Variants in IL1RAPL1 observed in about 807,000 individuals in gnomAD.
The protein encoded by IL1RAPL1 is interleukin 1 receptor accessory protein like 1.
Under a neutral mutation model 48.4 loss-of-function variants are expected in IL1RAPL1, and 3 were observed. The ratio of observed to expected loss-of-function variants is 0.06; its 90% CI spans 0.03 to 0.16. The LOEUF (loss-of-function observed/expected upper bound fraction) is 0.16, where lower values mean the gene tolerates loss of function less well. Ranked by LOEUF, IL1RAPL1 falls within the 10% of genes least tolerant of loss-of-function variation. The pLI is 1.00. For synonymous variants in IL1RAPL1, 185 were observed against 187.7 expected (o/e 0.99, Z 0.12); for missense variants, 349 against 530.6 (o/e 0.66, Z 3.36).
intron 5 of IL1RAPL1, among the ~76,000 whole-genome samples, chrX:29,651,048 G>A (rs1925501578): frequency 9.2e-6 from 1 of 109,184 alleles, no homozygotes; most frequent in South Asian, 3.9e-4. Flanking sequence ...AATCATCAGG[G>A]AAATGCAAAT....
intron 2 of IL1RAPL1, among the ~76,000 whole-genome samples, chrX:28,861,460 T>G (rs1921941835): frequency 8.9e-6 from 1 of 112,087 alleles, no homozygotes; most frequent in South Asian, 3.7e-4. Context: ...TCATTTCTTA[T>G]TATAAAGGCA....
chrX:29,631,160 C>G (rs974550753), intron 5 of IL1RAPL1, among the ~76,000 whole-genome samples: 1 of 111,859 alleles, frequency 8.9e-6, no homozygotes, highest in African/African-American at 3.3e-5. Context: ...ATGTATGTGA[C>G]TGTTACATTT....
intron 6 of IL1RAPL1, among the ~76,000 whole-genome samples, chrX:29,869,665 C>T (rs1931763895): frequency 9.0e-6 from 1 of 111,151 alleles, no homozygotes; most frequent in South Asian, 3.8e-4. Context: ...AACTGCCATT[C>T]CATGGATAAT....
At chrX:29,241,046 C>T (rs752363303) in intron 2 of IL1RAPL1, among the ~76,000 whole-genome samples, 7 of 112,226 alleles carry the variant, frequency 6.2e-5, no homozygotes, top group South Asian at 3.7e-4. Context: ...AGCTCTCGAT[C>T]GCTCTCATCC....
intron 2 of IL1RAPL1, among the ~76,000 whole-genome samples, chrX:29,033,921 C>CACAG (rs1413930466): frequency 9.0e-6 from 1 of 110,740 alleles, no homozygotes; most frequent in Non-Finnish European, 1.9e-5. Context: ...CACACACACA[C>CACAG]ACAAACATTT....
At chrX:29,216,857 T>C (rs1260565769) in intron 2 of IL1RAPL1, among the ~76,000 whole-genome samples, 1 of 111,715 alleles carries the variant, frequency 9.0e-6, no homozygotes, top group Non-Finnish European at 1.9e-5. Flanking sequence ...GTAGTACCAG[T>C]TCCTCTGCCT....
At chrX:29,909,943 A>C (rs1337383835) in intron 6 of IL1RAPL1, among the ~76,000 whole-genome samples, 1 of 111,535 alleles carries the variant, frequency 9.0e-6, no homozygotes. Flanking sequence ...TTTTACCATA[A>C]AGACACATGC....
intron 2 of IL1RAPL1, among the ~76,000 whole-genome samples, chrX:29,155,392 T>G (rs761471746): frequency 8.9e-6 from 1 of 112,080 alleles, no homozygotes; most frequent in South Asian, 3.7e-4. Flanking sequence ...CATCCTTTGT[T>G]TTTTGCACTG....
intron 3 of IL1RAPL1, among the ~76,000 whole-genome samples, chrX:29,338,122 T>C (rs1441516711): frequency 8.9e-6 from 1 of 112,011 alleles, no homozygotes; most frequent in East Asian, 2.8e-4. Flanking sequence ...ATTAACACTA[T>C]TTTATCCTTA....
chrX:28,918,752 A>G (rs1268680580), intron 2 of IL1RAPL1, among the ~76,000 whole-genome samples: 1 of 111,651 alleles, frequency 9.0e-6, no homozygotes, highest in Admixed American at 9.6e-5. Flanking sequence ...CCTGGTAAAT[A>G]GAAAGGCCTG....
intron 2 of IL1RAPL1, among the ~76,000 whole-genome samples, chrX:29,135,265 G>C (rs954854689): frequency 9.0e-6 from 1 of 111,549 alleles, no homozygotes; most frequent in Non-Finnish European, 1.9e-5. Flanking sequence ...CTTATAATCT[G>C]ATATTTTTAC....
In IL1RAPL1 at chrX:29,562,307, G is replaced by T. The variant is rs144052909; in HGVS notation, c.704-106123G>T. Among the ~76,000 whole-genome samples, 102 of 109,477 alleles carry T rather than the reference G, an allele frequency of 9.3e-4. 1 individual carries two copies. The highest frequency in any genetic ancestry group is 3.2e-3 in the African/African-American group (95 of 30,088). ...CCAGATATGAGTTCTTTTTCTAAAGGAAGGGTTTATTTAAAAGGAGTCATA... is the reference window on the plus strand; with the variant it reads ...CCAGATATGAGTTCTTTTTCTAAAGTAAGGGTTTATTTAAAAGGAGTCATA... On this transcript the variant is annotated intron_variant, in intron 5 of 10. Coordinates refer to ENST00000378993, the MANE Select transcript of IL1RAPL1 (RefSeq NM_014271.4).
chrX:29,198,601 A>T (rs1316604968), intron 2 of IL1RAPL1, among the ~76,000 whole-genome samples: 1 of 111,578 alleles, frequency 9.0e-6, no homozygotes, highest in African/African-American at 3.3e-5. Context: ...GCCAGATTTT[A>T]GAGTTTTCAT....
At chrX:29,703,148 ACT>A (rs1005309338) in intron 6 of IL1RAPL1, among the ~76,000 whole-genome samples, 8 of 110,721 alleles carry the variant, frequency 7.2e-5, no homozygotes, top group African/African-American at 2.0e-4. Flanking sequence ...TAATGTGCAA[ACT>A]CTCTACTGGA....
chrX:29,227,278 T>G (rs1403461423), intron 2 of IL1RAPL1, among the ~76,000 whole-genome samples: 1 of 108,815 alleles, frequency 9.2e-6, no homozygotes, highest in African/African-American at 3.3e-5. Context: ...AATAATTAAT[T>G]AGTAGTATTA....
chrX:28,862,776 G>T (rs1351592692), intron 2 of IL1RAPL1, among the ~76,000 whole-genome samples: 1 of 112,299 alleles, frequency 8.9e-6, no homozygotes, highest in African/African-American at 3.2e-5. Flanking sequence ...ACAATTTGGA[G>T]ATTGATATTT....
chrX:29,334,446 CG>C (rs533125680), intron 3 of IL1RAPL1, among the ~76,000 whole-genome samples: 3 of 107,689 alleles, frequency 2.8e-5, no homozygotes, highest in Non-Finnish European at 5.8e-5. Context: ...GCTGGCCGGG[CG>C]GGGGGCTGAC....
chrX:28,782,489 TAC>T (rs935272685), intron 1 of IL1RAPL1, among the ~76,000 whole-genome samples: 6 of 111,957 alleles, frequency 5.4e-5, no homozygotes, highest in Non-Finnish European at 1.1e-4. Context: ...TTCTAATATT[TAC>T]AGTCACTGCC....
In IL1RAPL1 at chrX:29,588,946, G is replaced by A. The variant is rs111642123; in HGVS notation, c.704-79484G>A. Among the ~76,000 whole-genome samples the A allele has an allele frequency of 3.7e-3, 412 of 111,868 alleles. 3 individuals are homozygous for A. Among genetic ancestry groups the A allele is most frequent in the African/African-American group, 0.012 (382 of 30,856 alleles). Reference sequence around the variant, plus strand: ...GCAAGCCGTGCTCCAGATCCTACGAGACAGGTACACTGAGGATACCTAGCA... The same window carrying A: ...GCAAGCCGTGCTCCAGATCCTACGAAACAGGTACACTGAGGATACCTAGCA... On this transcript the variant is annotated intron_variant, in intron 5 of 10. Transcript: ENST00000378993.
Sources: gnomAD v4.1 joint callset for allele counts (sites outside exome capture counted in the v4.1 genomes callset) on GRCh38, gnomAD v4.1.1 for gene constraint, MANE v1.5 for transcripts, NCBI Gene and HGNC (gene_info 2026-07-23, HGNC 2026-07-21) for gene names.